ASAH1: variants seen among roughly 807,000 people sequenced by gnomAD.
The protein encoded by ASAH1 is N-acylsphingosine amidohydrolase 1.
Under a neutral mutation model 59.5 loss-of-function variants are expected in ASAH1, and 70 were observed. That is an observed-to-expected ratio of 1.18 (90% CI 0.97 to 1.43). The LOEUF is 1.43. ASAH1 is among the 40% of genes most tolerant of loss of function. The pLI, the probability that ASAH1 is intolerant of heterozygous loss-of-function variation, is 0.00. For missense variants in ASAH1, 660 were observed against 482.5 expected (o/e 1.37, Z -3.45); for synonymous variants, 213 against 166.5 (o/e 1.28, Z -2.15).
At chr8:18,076,405 C>T (rs969008174) in intron 1 of ASAH1, 7 of 152,288 alleles carry the variant, frequency 4.6e-5, no homozygotes, top group East Asian at 1.9e-4. Context: ...CCAACACTGA[C>T]GTCACTGCCT....
Position 18,057,906 on chromosome 8 carries a change from C to T in ASAH1, c.1099-283G>A, listed in dbSNP as rs73581674. ...AACAGGCTCAGGAAAGAATCTCCAG[C>T]TCCTTATAGGAGCTTATTCCTGACA... On this transcript the variant is annotated intron_variant, in intron 13 of 13. Transcript: ENST00000637790. The T allele has an allele frequency of 0.09, 15,755 of 174,952 alleles. 2,287 individuals are homozygous for T. The highest frequency in any genetic ancestry group is 0.31 in the African/African-American group (12,920 of 41,920). 10.8% of individuals were successfully genotyped at this position (174,952 alleles called of 1,614,324 possible).
Position 18,057,514 on chromosome 8 carries a change from T to G in ASAH1, c.*20A>C, listed in dbSNP as rs767698652. ...TGTCTTCATGTCTCAGAGGCCGCAT[T>G]CTGTAGGCCAGACGTGTGCTCACCA... On this transcript the variant is annotated 3_prime_UTR_variant, in exon 14 of 14. Transcript: ENST00000637790. The G allele has an allele frequency of 2.5e-6, 4 of 1,572,016 alleles. No individual in the cohort carries two copies. Among genetic ancestry groups the G allele is most frequent in the South Asian group, 2.2e-5 (2 of 90,436 alleles).
chr8:18,084,555 G>A, upstream of ASAH1: 3 of 1,510,142 alleles, frequency 2.0e-6, no homozygotes. Flanking sequence ...TGAGAAAAGC[G>A]GCCCGAAATG....
At chr8:18,070,999 G>A (rs1800146511) in intron 3 of ASAH1, among the ~76,000 whole-genome samples, 1 of 152,154 alleles carries the variant, frequency 6.6e-6, no homozygotes, top group Non-Finnish European at 1.5e-5. Context: ...CTCGAGGTCA[G>A]GAGTTTGAGA....
chr8:18,077,831 T>G (rs2117086122), intron 1 of ASAH1, among the ~76,000 whole-genome samples: 1 of 152,318 alleles, frequency 6.6e-6, no homozygotes, highest in East Asian at 1.9e-4. Context: ...TGTAAATAAG[T>G]TCTGCTGTGA....
At chr8:18,081,532 T>C (rs1315547947) in intron 1 of ASAH1, among the ~76,000 whole-genome samples, 3 of 152,252 alleles carry the variant, frequency 2.0e-5, no homozygotes, top group Admixed American at 6.5e-5. Flanking sequence ...CATCTGGCGC[T>C]ATCTCTCCAG....
chr8:18,073,824 G>C (rs890279793), intron 2 of ASAH1, among the ~76,000 whole-genome samples: 7 of 152,174 alleles, frequency 4.6e-5, no homozygotes, highest in African/African-American at 1.7e-4. Context: ...AGAAGAGAAG[G>C]ATAAGAGCAA....
At chr8:18,065,414 G>T (rs1194540868) in intron 5 of ASAH1, 2 of 151,982 alleles carry the variant, frequency 1.3e-5, no homozygotes, top group Non-Finnish European at 2.9e-5. Flanking sequence ...AGCCACTTTT[G>T]TTGATAAATA....
intron 1 of ASAH1, chr8:18,083,045 C>T (rs1368103499): frequency 6.6e-6 from 1 of 152,124 alleles, no homozygotes; most frequent in African/African-American, 2.4e-5. Flanking sequence ...TCATATCCCA[C>T]CATGATTTTA....
intron 1 of ASAH1, among the ~76,000 whole-genome samples, chr8:18,076,950 G>A (rs144547180): frequency 9.2e-5 from 14 of 152,318 alleles, no homozygotes; most frequent in East Asian, 1.9e-4. Flanking sequence ...GTAATTTTGC[G>A]TTGAATTCAT....
chr8:18,083,964 G>C lies in ASAH1; in HGVS notation c.78+17C>G, dbSNP rs1319975250. 7 of 1,596,418 alleles carry C rather than the reference G, an allele frequency of 4.4e-6. No homozygotes were observed. Among genetic ancestry groups the C allele is most frequent in the Admixed American group, 3.3e-5 (2 of 59,818 alleles). ...ACCTGCACGCCCCTCTCTGCGCCTC[G>C]GCTCAAGCTCACTCACCGGCGGCGC... On this transcript the variant is annotated intron_variant, in intron 1 of 13. Transcript: ENST00000637790.
chr8:18,072,394 T>C (rs1321120951), intron 2 of ASAH1, among the ~76,000 whole-genome samples: 3 of 152,236 alleles, frequency 2.0e-5, no homozygotes, highest in Non-Finnish European at 2.9e-5. Context: ...ATTTCCACTA[T>C]CATAAATAAT....
At chr8:18,069,219 T>C (rs1239797338) in intron 4 of ASAH1, among the ~76,000 whole-genome samples, 3 of 149,796 alleles carry the variant, frequency 2.0e-5, no homozygotes, top group Non-Finnish European at 3.0e-5. Context: ...GCAATGAGGA[T>C]CCCTTTAACA....
At chr8:18,083,829 A>G in intron 1 of ASAH1, 152 bp downstream of exon 1, 1 of 1,468,672 alleles carries the variant, frequency 6.8e-7, no homozygotes, top group Non-Finnish European at 9.1e-7. Flanking sequence ...CCCGCTCTGC[A>G]CCCACACCCC....
At chr8:18,065,540 A>G (rs1018961630) in intron 5 of ASAH1, 1 of 152,130 alleles carries the variant, frequency 6.6e-6, no homozygotes, top group Admixed American at 6.6e-5. Flanking sequence ...GGTCGTGGGG[A>G]AAATATTTTT....
chr8:18,059,587 G>A lies in ASAH1; in HGVS notation c.902C>T (p.Ser301Leu), dbSNP rs1303698696. The part of the protein sequence containing the change: ...GCVITRDRKE[S>L]LDVYELDAKQ... ...ACCTACTTACTCATATACATCCAAT[G>A]ATTCCTTTCTGTCTCGTGTAATCAC... is the stretch of plus-strand genomic sequence containing the variant. The change falls in exon 11 of 14, where the codon TCA (serine) becomes TTA (leucine). Residue 301 changes from serine (S) to leucine (L), a missense_variant. Ser to Leu is a moderately radical substitution (Grantham distance 145, BLOSUM62 -2). Transcript: ENST00000637790. 1 of 1,614,148 alleles carries A rather than the reference G, an allele frequency of 6.2e-7. No homozygotes were observed. Among genetic ancestry groups the A allele is most frequent in the South Asian group, 1.1e-5 (1 of 91,068 alleles).
At chr8:18,068,010 T>C (rs181496258) in intron 4 of ASAH1, 3 of 151,544 alleles carry the variant, frequency 2.0e-5, no homozygotes, top group Admixed American at 1.3e-4. Context: ...ATTTTTTTTC[T>C]CCCTAGGAAC....
At chr8:18,083,548 C>T in intron 1 of ASAH1, 1 of 253,606 alleles carries the variant, frequency 3.9e-6, no homozygotes, top group South Asian at 4.0e-5. Context: ...CACGGCCCTG[C>T]AGTATCCTGG....
chr8:18,072,838 G>C (rs1033726632), intron 2 of ASAH1, among the ~76,000 whole-genome samples: 1 of 152,082 alleles, frequency 6.6e-6, no homozygotes, highest in Admixed American at 6.6e-5. Flanking sequence ...TCAGTGGCCT[G>C]TTGGAGATAT....
Sources: gnomAD v4.1 joint callset for allele counts (sites outside exome capture counted in the v4.1 genomes callset) on GRCh38, gnomAD v4.1.1 for gene constraint, MANE v1.5 for transcripts, NCBI Gene and HGNC (gene_info 2026-07-23, HGNC 2026-07-21) for gene names.